NRP2: variants seen among roughly 807,000 people sequenced by gnomAD.
NRP2 encodes neuropilin-2.
NRP2 carries 52 observed loss-of-function variants against 110.4 expected under a neutral mutation model. The ratio of observed to expected loss-of-function variants is 0.47; its 90% CI spans 0.38 to 0.59. NRP2 has a LOEUF of 0.59. Ranked by LOEUF, NRP2 falls within the 20% of genes least tolerant of loss-of-function variation. The pLI is 0.00. For missense variants in NRP2, 1,049 were observed against 1,203.0 expected (o/e 0.87, Z 1.89); for synonymous variants, 508 against 468.9 (o/e 1.08, Z -1.08).
At chr2:205,737,939 C>T (rs1173209507) in intron 7 of NRP2, among the ~76,000 whole-genome samples, 1 of 152,214 alleles carries the variant, frequency 6.6e-6, no homozygotes, top group Non-Finnish European at 1.5e-5. Flanking sequence ...CGAGTGCGTG[C>T]AGCCCATGCC....
At chr2:205,717,287 C>A (rs1045547442) in intron 3 of NRP2, among the ~76,000 whole-genome samples, 9 of 152,244 alleles carry the variant, frequency 5.9e-5, no homozygotes, top group South Asian at 4.2e-4. Context: ...TCCCCTCTCC[C>A]CCCAGCAGCC....
chr2:205,731,618 G>A (rs764160689), intron 7 of NRP2, among the ~76,000 whole-genome samples: 6 of 152,316 alleles, frequency 3.9e-5, no homozygotes, highest in South Asian at 2.1e-4. Flanking sequence ...TTCGGTAAAC[G>A]TGGGGATCTC....
At chr2:205,698,281 C>T (rs976783550) in intron 2 of NRP2, among the ~76,000 whole-genome samples, 3 of 151,592 alleles carry the variant, frequency 2.0e-5, no homozygotes, top group African/African-American at 7.3e-5. Flanking sequence ...AGCTGTGCTA[C>T]ACAAGTAGAG....
chr2:205,788,351 T>G (rs2105969845), intron 15 of NRP2, among the ~76,000 whole-genome samples: 1 of 152,308 alleles, frequency 6.6e-6, no homozygotes, highest in African/African-American at 2.4e-5. Context: ...CATCATTCAT[T>G]CAGAGCTGAC....
intron 15 of NRP2, among the ~76,000 whole-genome samples, chr2:205,771,098 G>A (rs1357620009): frequency 6.6e-6 from 1 of 152,222 alleles, no homozygotes; most frequent in African/African-American, 2.4e-5. Flanking sequence ...CCACCAAAGA[G>A]TGTGAAGCGT....
chr2:205,780,718 C>T (rs1035386756), intron 15 of NRP2, among the ~76,000 whole-genome samples: 1 of 152,184 alleles, frequency 6.6e-6, no homozygotes, highest in African/African-American at 2.4e-5. Flanking sequence ...CTGTCAGAGT[C>T]CTGCTTTTCA....
At chr2:205,689,054 C>A (rs1271118986) in intron 1 of NRP2, among the ~76,000 whole-genome samples, 2 of 152,192 alleles carry the variant, frequency 1.3e-5, no homozygotes, top group African/African-American at 4.8e-5. Context: ...CCCACTCACA[C>A]CCCAGCCTCA....
chr2:205,789,055 C>T (rs1575685291), intron 15 of NRP2, among the ~76,000 whole-genome samples: 1 of 152,198 alleles, frequency 6.6e-6, no homozygotes, highest in Non-Finnish European at 1.5e-5. Flanking sequence ...CAAAGCCCTA[C>T]TCTATCAAAG....
intron 15 of NRP2, among the ~76,000 whole-genome samples, chr2:205,789,329 C>A (rs2058272018): frequency 6.6e-6 from 1 of 152,170 alleles, no homozygotes; most frequent in South Asian, 2.1e-4. Flanking sequence ...CATGGGAGCA[C>A]AAAGGTTGAA....
intron 15 of NRP2, chr2:205,767,255 A>C (rs2057939667): frequency 3.1e-6 from 1 of 321,790 alleles, no homozygotes; most frequent in East Asian, 9.2e-5. Context: ...CAGCGGTTTC[A>C]GTTAACCACA....
chr2:205,716,169 C>T, intron 2 of NRP2, 24 bp from the exon 3 acceptor site: 1 of 1,613,568 alleles, frequency 6.2e-7, no homozygotes, highest in East Asian at 2.2e-5. Context: ...GTGATCTTTT[C>T]TTGTCTGTGC....
intron 12 of NRP2, among the ~76,000 whole-genome samples, chr2:205,759,315 A>G (rs2057784800): frequency 6.6e-6 from 1 of 152,242 alleles, no homozygotes; most frequent in South Asian, 2.1e-4. Context: ...GAAGGAGGAA[A>G]TGTCTCTAAA....
intron 12 of NRP2, chr2:205,759,723 T>G (rs1442646179): frequency 6.6e-6 from 1 of 152,196 alleles, no homozygotes; most frequent in Non-Finnish European, 1.5e-5. Flanking sequence ...TTGGCCTTCC[T>G]GGGTTATTGG....
intron 9 of NRP2, among the ~76,000 whole-genome samples, chr2:205,745,401 C>T (rs907674186): frequency 6.6e-6 from 1 of 151,766 alleles, no homozygotes; most frequent in African/African-American, 2.4e-5. Context: ...AAACTGCCTT[C>T]CCCCCTCTCT....
At chr2:205,720,262 C>CTTTTTTTTTTTTT (rs202203741) in intron 3 of NRP2, among the ~76,000 whole-genome samples, 3 of 129,182 alleles carry the variant, frequency 2.3e-5, no homozygotes, top group South Asian at 2.8e-4. Flanking sequence ...TTTTTTCTTT[C>CTTTTTTTTTTTTT]TTTTTTTTTT....
In NRP2 at chr2:205,740,499, T is replaced by C. The variant is rs77781102; in HGVS notation, c.1147-20T>C. The C allele has an allele frequency of 0.035, 57,175 of 1,613,890 alleles. 1,211 individuals are homozygous for C. Among genetic ancestry groups the C allele is most frequent in the Middle Eastern group, 0.043 (262 of 6,062 alleles). On this transcript the variant is annotated intron_variant, in intron 7 of 16. Transcript: ENST00000357785. The stretch of plus-strand genomic sequence containing the variant: ...ACAAACAGGGGTTTCAATAACATGG[T>C]TTTGCATCTTACGCTACAGGTATTT...
chr2:205,691,635 C>T (rs976622980), intron 1 of NRP2, among the ~76,000 whole-genome samples: 5 of 151,942 alleles, frequency 3.3e-5, no homozygotes, highest in Non-Finnish European at 7.4e-5. Flanking sequence ...TTTTTTTTCT[C>T]CTTTGGTTTT....
intron 2 of NRP2, among the ~76,000 whole-genome samples, chr2:205,698,205 T>C (rs547913801): frequency 7.2e-6 from 1 of 138,456 alleles, no homozygotes; most frequent in South Asian, 2.3e-4. Context: ...GGTTTTCTTA[T>C]AGAAAAAAAA....
At chr2:205,687,388 G>A (rs1367382386) in intron 1 of NRP2, among the ~76,000 whole-genome samples, 1 of 152,018 alleles carries the variant, frequency 6.6e-6, no homozygotes, top group African/African-American at 2.4e-5. Flanking sequence ...GGCCTGCTCT[G>A]GGCTCTAGGG....
Sources: gnomAD v4.1 joint callset for allele counts (sites outside exome capture counted in the v4.1 genomes callset) on GRCh38, gnomAD v4.1.1 for gene constraint, MANE v1.5 for transcripts, NCBI Gene and HGNC (gene_info 2026-07-23, HGNC 2026-07-21) for gene names.